PRR33: variants seen among roughly 807,000 people sequenced by gnomAD.
The protein encoded by PRR33 is proline-rich protein 33.
A neutral mutation model predicts 0.5 loss-of-function variants in PRR33; 1 was observed. The ratio of observed to expected loss-of-function variants is 2.18; its 90% CI spans 0.77 to 10.34. The LOEUF (loss-of-function observed/expected upper bound fraction) is 10.34. PRR33 is among the 30% of genes most tolerant of loss of function. PRR33 has a pLI of 0.13. For synonymous variants in PRR33, 226 were observed against 110.0 expected (o/e 2.06, Z -6.60); for missense variants, 552 against 251.8 (o/e 2.19, Z -8.07).
At chr11:1,912,314 T>C in the PRR33 span, among the ~76,000 whole-genome samples, 1 of 152,146 alleles carries the variant, frequency 6.6e-6, no homozygotes, top group South Asian at 2.1e-4. Context: ...GCACCCCTGA[T>C]TCGGAATGCA....
upstream of PRR33, among the ~76,000 whole-genome samples, chr11:1,895,581 G>T (rs1277984600): frequency 6.6e-6 from 1 of 152,104 alleles, no homozygotes; most frequent in Non-Finnish European, 1.5e-5. Context: ...TGTTCTTTTA[G>T]GAATTGTGCT....
the PRR33 span, among the ~76,000 whole-genome samples, chr11:1,899,123 A>G: frequency 6.6e-6 from 1 of 152,186 alleles, no homozygotes; most frequent in African/African-American, 2.4e-5. Flanking sequence ...ATGAGTGCAC[A>G]TAAGAGATCC....
At chr11:1,914,146 A>G in the PRR33 span, among the ~76,000 whole-genome samples, 1 of 152,258 alleles carries the variant, frequency 6.6e-6, no homozygotes, top group Admixed American at 6.5e-5. Flanking sequence ...TGAGACTCCC[A>G]TGTGCAGGCC....
At chr11:1,888,816 T>A in exon 1 of PRR33, 1 of 269,466 alleles carries the variant, frequency 3.7e-6, no homozygotes, top group Non-Finnish European at 7.0e-6. Context: ...CTGGGCTAGG[T>A]CAGTAGATGC....
At chr11:1,888,450 G>A (rs890514228) in exon 1 of PRR33, 5 of 152,284 alleles carry the variant, frequency 3.3e-5, no homozygotes, top group African/African-American at 4.8e-5. Context: ...CGAATCCCTC[G>A]AGTTCTGCCC....
At chr11:1,896,822 T>G (rs1589840766), upstream of PRR33, among the ~76,000 whole-genome samples, 1 of 152,326 alleles carries the variant, frequency 6.6e-6, no homozygotes, top group East Asian at 1.9e-4. Flanking sequence ...ATTTACTGAG[T>G]GATGTTTTTT....
upstream of PRR33, among the ~76,000 whole-genome samples, chr11:1,893,449 C>CTGAA (rs1849074710): frequency 6.9e-6 from 1 of 145,366 alleles, no homozygotes; most frequent in African/African-American, 2.6e-5. Flanking sequence ...GGCTGGCTGG[C>CTGAA]TGGATGGATG....
chr11:1,890,260 C>A (rs1345068895), exon 1 of PRR33: 1 of 714,544 alleles, frequency 1.4e-6, no homozygotes. Context: ...GGTAGGGCAG[C>A]CACCATGCGG....
chr11:1,913,571 C>T, the PRR33 span, among the ~76,000 whole-genome samples: 1 of 152,214 alleles, frequency 6.6e-6, no homozygotes, highest in African/African-American at 2.4e-5. Context: ...TCCCTGACCA[C>T]GTCCCCTCTG....
upstream of PRR33, among the ~76,000 whole-genome samples, chr11:1,895,609 G>T (rs1050326711): frequency 1.3e-5 from 2 of 152,160 alleles, no homozygotes; most frequent in African/African-American, 4.8e-5. Flanking sequence ...TCATGTCTGA[G>T]AAATCTTTGC....
chr11:1,917,484 A>G, the PRR33 span, among the ~76,000 whole-genome samples: 1 of 152,116 alleles, frequency 6.6e-6, no homozygotes, highest in South Asian at 2.1e-4. Flanking sequence ...GTCCGTCCTC[A>G]GACTCCTCCT....
At chr11:1,914,662 A>G in the PRR33 span, among the ~76,000 whole-genome samples, 3 of 122,956 alleles carry the variant, frequency 2.4e-5, no homozygotes, top group African/African-American at 9.8e-5. Flanking sequence ...GGGGTGTACA[A>G]ACCTGGGGAG....
the PRR33 span, among the ~76,000 whole-genome samples, chr11:1,898,000 A>G: frequency 6.6e-6 from 1 of 152,204 alleles, no homozygotes; most frequent in Non-Finnish European, 1.5e-5. This position sits in a 1 kb window ranked among gnomAD's most constrained non-coding sequence, Gnocchi z 4.0. Flanking sequence ...GAGTCTACTC[A>G]TTTCAAACAA....
the PRR33 span, among the ~76,000 whole-genome samples, chr11:1,898,667 G>C: frequency 6.6e-6 from 1 of 151,968 alleles, no homozygotes; most frequent in Non-Finnish European, 1.5e-5. Flanking sequence ...GGAGTGGAGC[G>C]ATGTTGTTTG....
the PRR33 span, among the ~76,000 whole-genome samples, chr11:1,906,754 T>C: frequency 6.6e-6 from 1 of 152,230 alleles, no homozygotes. Context: ...CCATGTGAGC[T>C]CCCGGCACTG....
At chr11:1,890,592 T>C in exon 1 of PRR33, 1 of 703,164 alleles carries the variant, frequency 1.4e-6, no homozygotes, top group Non-Finnish European at 2.6e-6. Flanking sequence ...CATGACTGTG[T>C]CCTAGGGTGG....
exon 1 of PRR33, chr11:1,891,663 C>G (rs1237593453): frequency 1.3e-5 from 2 of 154,230 alleles, no homozygotes; most frequent in Non-Finnish European, 2.9e-5. Flanking sequence ...GCAGGGAGGC[C>G]AGCAGAGAGA....
chr11:1,906,234 G>A, the PRR33 span, among the ~76,000 whole-genome samples: 6 of 152,108 alleles, frequency 3.9e-5, no homozygotes, highest in Non-Finnish European at 1.5e-5. Flanking sequence ...TGTCACATCT[G>A]TTCTTTTCTC....
chr11:1,897,365 G>C, the PRR33 span, among the ~76,000 whole-genome samples: 1 of 152,232 alleles, frequency 6.6e-6, no homozygotes, highest in African/African-American at 2.4e-5. The surrounding 1 kb of genome is among the most constrained non-coding windows in gnomAD (Gnocchi z 4.0). Flanking sequence ...AATGGGTTTC[G>C]TAAGTGGGAA....
Sources: allele counts gnomAD v4.1 joint callset (sites outside exome capture counted in the v4.1 genomes callset), GRCh38; gene constraint gnomAD v4.1.1; non-coding constraint Gnocchi (gnomAD v3.1); transcripts MANE v1.5; gene names NCBI Gene and HGNC (gene_info 2026-07-23, HGNC 2026-07-21).